Variants in MBNL2 observed in about 807,000 individuals in gnomAD.
The protein encoded by MBNL2 is muscleblind like splicing regulator 2.
Under a neutral mutation model 41.9 loss-of-function variants are expected in MBNL2, and 17 were observed. The observed-to-expected ratio is 0.41, with a 90% CI of 0.28 to 0.61. The LOEUF (loss-of-function observed/expected upper bound fraction) is 0.61. Ranked by LOEUF, MBNL2 falls within the 20% of genes least tolerant of loss-of-function variation. The pLI is 0.35. For missense variants in MBNL2, 336 were observed against 505.6 expected, an observed-to-expected ratio of 0.66 and a Z score of 3.22; for synonymous variants, 195 against 182.9, an observed-to-expected ratio of 1.07 and a Z score of -0.53.
chr13:97,338,091 T>C (rs1181931069), intron 3 of MBNL2, among the ~76,000 whole-genome samples: 1 of 152,174 alleles, frequency 6.6e-6, no homozygotes, highest in Non-Finnish European at 1.5e-5. Flanking sequence ...ATCCTGTCAC[T>C]CCCTTATGTG....
upstream of MBNL2, among the ~76,000 whole-genome samples, chr13:97,218,000 A>G (rs538714426): frequency 6.6e-6 from 1 of 152,342 alleles, no homozygotes; most frequent in Non-Finnish European, 1.5e-5. Flanking sequence ...CCATTTACCA[A>G]AGTGGGAAAC....
chr13:97,295,880 AC>A (rs1425118446), intron 2 of MBNL2, among the ~76,000 whole-genome samples: 1 of 152,244 alleles, frequency 6.6e-6, no homozygotes, highest in Non-Finnish European at 1.5e-5. Flanking sequence ...AAGTTTAAAT[AC>A]ATAACATACT....
At chr13:97,163,184 A>G in the MBNL2 span, among the ~76,000 whole-genome samples, 1 of 152,186 alleles carries the variant, frequency 6.6e-6, no homozygotes. Context: ...GAAGGATAAC[A>G]TCTTTGGTGA....
chr13:97,195,159 A>G, the MBNL2 span, among the ~76,000 whole-genome samples: 1 of 152,242 alleles, frequency 6.6e-6, no homozygotes, highest in African/African-American at 2.4e-5. Flanking sequence ...CAGCCATATC[A>G]ATCTGGAGGC....
intron 8 of MBNL2, among the ~76,000 whole-genome samples, chr13:97,372,880 AT>A (rs774562405): frequency 9.2e-5 from 14 of 152,212 alleles, no homozygotes; most frequent in Non-Finnish European, 1.8e-4. Flanking sequence ...TAAAACATCT[AT>A]TATTCAATGC....
intron 7 of MBNL2, among the ~76,000 whole-genome samples, chr13:97,361,131 A>T (rs1243115509): frequency 6.6e-6 from 1 of 152,232 alleles, no homozygotes; most frequent in Non-Finnish European, 1.5e-5. Flanking sequence ...CAGAGGATGA[A>T]GGAGTACCTG....
the MBNL2 span, among the ~76,000 whole-genome samples, chr13:97,142,844 G>T: frequency 1.2e-4 from 18 of 152,226 alleles, no homozygotes; most frequent in African/African-American, 4.1e-4. Context: ...GATGGGTTTT[G>T]CTTTTTTATC....
At chr13:97,285,509 A>G (rs1414351681) in intron 2 of MBNL2, among the ~76,000 whole-genome samples, 1 of 152,218 alleles carries the variant, frequency 6.6e-6, no homozygotes, top group African/African-American at 2.4e-5. Flanking sequence ...TGAATAATTA[A>G]TTGTTCAACA....
At chr13:97,202,353 G>A in the MBNL2 span, among the ~76,000 whole-genome samples, 1 of 152,216 alleles carries the variant, frequency 6.6e-6, no homozygotes, top group Non-Finnish European at 1.5e-5. Flanking sequence ...AAGGTGATGA[G>A]TTTAGGCTCT....
In MBNL2 at chr13:97,294,610, G is replaced by A. The variant is rs77567780; in HGVS notation, c.174+18201G>A. On this transcript the variant is annotated intron_variant, in intron 2 of 8. Coordinates refer to ENST00000679496, the MANE Select transcript of MBNL2 (RefSeq NM_001382683.1). ...CATCTGGTCAGTAGGTCTGGGTATG[G>A]ATCCCAGTGTTCTGTATCTTTAGAA... Among the ~76,000 whole-genome samples the A allele has an allele frequency of 1.1e-3, 160 of 152,286 alleles. 4 individuals are homozygous for A. The East Asian group carries it at 0.029, about 28-fold the overall frequency.
At chr13:97,209,065 A>C in the MBNL2 span, among the ~76,000 whole-genome samples, 17,734 of 152,242 alleles carry the variant, frequency 0.12, 1,730 homozygotes, top group African/African-American at 0.27. Context: ...CCAACCAGCT[A>C]AAAAGGTACA....
rs61185219 is a variant in MBNL2 at position 97,374,063 on chromosome 13, A to ATTTTTTTTTTTTTT, written c.1048+8908_1048+8921dup. ...CACCTCAAATCCCATCCTCCTTTGC[A>ATTTTTTTTTTTTTT]TTTTTTTTTTTTTTTTTTTTTTTTT... On this transcript the variant is annotated intron_variant, in intron 8 of 8. Transcript: ENST00000679496. 1.9e-3 allele frequency among the ~76,000 whole-genome samples: 119 copies of ATTTTTTTTTTTTTT among 63,104 alleles called. 15 individuals are homozygous for ATTTTTTTTTTTTTT. The highest frequency in any genetic ancestry group is 0.026 in the Middle Eastern group (2 of 76). The allele number at this position is 63,104 out of a possible 152,430, so 41.4% of individuals were successfully genotyped here.
At chr13:97,159,982 T>A in the MBNL2 span, among the ~76,000 whole-genome samples, 3 of 152,254 alleles carry the variant, frequency 2.0e-5, no homozygotes, top group South Asian at 6.2e-4. Flanking sequence ...GATAATATCC[T>A]GCAGAGTGTT....
chr13:97,160,118 A>T, the MBNL2 span, among the ~76,000 whole-genome samples: 1 of 152,166 alleles, frequency 6.6e-6, no homozygotes, highest in African/African-American at 2.4e-5. Context: ...TGAAAAAAGT[A>T]ATTTTCTTAT....
chr13:97,203,874 ATGG>A, the MBNL2 span, among the ~76,000 whole-genome samples: 3 of 20,478 alleles, frequency 1.5e-4, no homozygotes, highest in Non-Finnish European at 8.3e-4. Flanking sequence ...TGATAAGTGA[ATGG>A]ATGGATGGAT....
the MBNL2 span, among the ~76,000 whole-genome samples, chr13:97,211,337 G>C: frequency 6.6e-6 from 1 of 152,130 alleles, no homozygotes; most frequent in African/African-American, 2.4e-5. Flanking sequence ...ATGGGTTGGG[G>C]GTATAGAGCA....
chr13:97,244,588 C>T (rs1416843183), intron 1 of MBNL2, among the ~76,000 whole-genome samples: 1 of 152,204 alleles, frequency 6.6e-6, no homozygotes, highest in East Asian at 1.9e-4. Context: ...TGTAGACCAA[C>T]GACTAGATAA....
At position 97,285,295 on chromosome 13, in the gene MBNL2, C is replaced by T. The variant is rs1366174316; in HGVS notation, c.174+8886C>T. Among the ~76,000 whole-genome samples, 5 of 152,284 alleles carry T rather than the reference C, an allele frequency of 3.3e-5. No homozygotes were observed. The East Asian group carries it at 7.7e-4, about 24-fold the overall frequency. ...ACAAGCAAATGTTCTTTAGCTCACT[C>T]ATTCATTCATTCGTTCTCTCTTAAC... On this transcript the variant is annotated intron_variant, in intron 2 of 8. Coordinates refer to ENST00000679496, the MANE Select transcript of MBNL2 (RefSeq NM_001382683.1).
At chr13:97,144,612 A>G in the MBNL2 span, among the ~76,000 whole-genome samples, 2 of 151,952 alleles carry the variant, frequency 1.3e-5, no homozygotes, top group Non-Finnish European at 2.9e-5. Flanking sequence ...CATTTTTAGT[A>G]GAGATGGGGT....
Sources: gnomAD v4.1 joint callset for allele counts (sites outside exome capture counted in the v4.1 genomes callset) on GRCh38, gnomAD v4.1.1 for gene constraint, MANE v1.5 for transcripts, NCBI Gene and HGNC (gene_info 2026-07-23, HGNC 2026-07-21) for gene names.